PLPP1: variants seen among roughly 807,000 people sequenced by gnomAD.
PLPP1 encodes phospholipid phosphatase 1.
PLPP1 carries 24 observed loss-of-function variants against 31.2 expected under a neutral mutation model. The observed-to-expected ratio is 0.77, with a 90% CI of 0.56 to 1.08. The LOEUF is 1.08. PLPP1 is among the 50% of genes least tolerant of loss of function. The pLI is 0.00. For missense variants in PLPP1, 319 were observed against 342.7 expected, an observed-to-expected ratio of 0.93 and a Z score of 0.55; for synonymous variants, 146 against 126.3, an observed-to-expected ratio of 1.16 and a Z score of -1.05.
At position 55,441,848 on chromosome 5, in the gene PLPP1, T is replaced by G. The variant is rs1364523275; in HGVS notation, c.549+3A>C. On this transcript the variant is annotated splice_donor_region_variant and intron_variant, in intron 4 of 5. Transcript: ENST00000307259. ...TAACCGTCAACAGACACAAAGTACT[T>G]ACTGCCACAAACAGCATGCAGTACA... 1 of 1,612,714 alleles carries G rather than the reference T, an allele frequency of 6.2e-7. No individual in the cohort carries two copies. The highest frequency in any genetic ancestry group is 8.5e-7 in the Non-Finnish European group (1 of 1,178,684).
intron 2 of PLPP1, among the ~76,000 whole-genome samples, chr5:55,470,078 G>A (rs1752385985): frequency 6.6e-6 from 1 of 152,152 alleles, no homozygotes; most frequent in East Asian, 1.9e-4. Flanking sequence ...CACAGGAGAG[G>A]TAAACTATAT....
At chr5:55,464,233 A>T (rs1752234238) in intron 3 of PLPP1, among the ~76,000 whole-genome samples, 1 of 100,912 alleles carries the variant, frequency 9.9e-6, no homozygotes, top group East Asian at 2.5e-4. Context: ...TGTTCAGAAC[A>T]TCTTTTTTTT....
intron 2 of PLPP1, among the ~76,000 whole-genome samples, chr5:55,471,202 ATTTT>A (rs113348948): frequency 1.4e-5 from 2 of 139,608 alleles, no homozygotes; most frequent in Non-Finnish European, 1.6e-5. Flanking sequence ...ATCAGATCAG[ATTTT>A]TTTTTTTTTT....
chr5:55,482,569 C>T (rs990901339), intron 1 of PLPP1, among the ~76,000 whole-genome samples: 5 of 152,090 alleles, frequency 3.3e-5, no homozygotes, highest in African/African-American at 1.2e-4. Flanking sequence ...GGCAGCACAG[C>T]GCCTATGTCC....
chr5:55,429,321 A>ATCACACTTTGAATAGATCAC (rs1751287299), intron 4 of PLPP1, among the ~76,000 whole-genome samples: 1 of 152,010 alleles, frequency 6.6e-6, no homozygotes, highest in East Asian at 1.9e-4. Context: ...TAGTAGATAA[A>ATCACACTTTGAATAGATCAC]TCACACTTTG....
chr5:55,510,162 C>G (rs891705205), intron 1 of PLPP1, among the ~76,000 whole-genome samples: 2 of 152,132 alleles, frequency 1.3e-5, no homozygotes, highest in African/African-American at 4.8e-5. Flanking sequence ...GATATAAGCA[C>G]ATTTAGAAAG....
rs1751629435 is a variant in PLPP1, at chr5:55,441,916, A to G, written c.492-8T>C. 1.2e-6 allele frequency: 2 copies of G among 1,612,190 alleles called. No individual in the cohort carries two copies. Among genetic ancestry groups the G allele is most frequent in the African/African-American group, 2.7e-5 (2 of 74,904 alleles). On this transcript the variant is annotated splice_region_variant and splice_polypyrimidine_tract_variant and intron_variant, in intron 3 of 5. Transcript: ENST00000307259. The stretch of plus-strand genomic sequence containing the variant: ...CCTGAATAGAAGGACAACCTGGAAG[A>G]AAAAGAAGACAAATGTTACTTTTCT...
chr5:55,462,676 A>G (rs1422637721), intron 3 of PLPP1, among the ~76,000 whole-genome samples: 2 of 152,214 alleles, frequency 1.3e-5, no homozygotes, highest in Non-Finnish European at 2.9e-5. Flanking sequence ...ACCACCATTA[A>G]GAAAATAAAG....
At chr5:55,524,001 T>C (rs1328799201) in intron 1 of PLPP1, among the ~76,000 whole-genome samples, 2 of 152,242 alleles carry the variant, frequency 1.3e-5, no homozygotes, top group African/African-American at 4.8e-5. Context: ...TTTTTTGCAC[T>C]GGTATTTGCA....
At chr5:55,474,707 T>G (rs930810035) in intron 2 of PLPP1, among the ~76,000 whole-genome samples, 1 of 152,146 alleles carries the variant, frequency 6.6e-6, no homozygotes, top group Non-Finnish European at 1.5e-5. Context: ...TTTCTAGAAC[T>G]CAGTACAGAG....
At chr5:55,530,820 C>G in intron 1 of PLPP1, 1 of 1,318,464 alleles carries the variant, frequency 7.6e-7, no homozygotes, top group Non-Finnish European at 1.1e-6. Context: ...GCGTTTTGAG[C>G]ACCTCCTGAC....
intron 1 of PLPP1, among the ~76,000 whole-genome samples, chr5:55,503,253 T>C (rs1753184267): frequency 6.6e-6 from 1 of 152,202 alleles, no homozygotes; most frequent in Non-Finnish European, 1.5e-5. Context: ...ATACCAGGTA[T>C]TACAATATTT....
At chr5:55,477,083 C>G (rs1421937776) in intron 1 of PLPP1, among the ~76,000 whole-genome samples, 1 of 151,290 alleles carries the variant, frequency 6.6e-6, no homozygotes, top group Non-Finnish European at 1.5e-5. Context: ...CTAACTGACA[C>G]TTATACTGGC....
At chr5:55,460,402 G>A (rs1235889750) in intron 3 of PLPP1, among the ~76,000 whole-genome samples, 2 of 151,842 alleles carry the variant, frequency 1.3e-5, no homozygotes, top group East Asian at 1.9e-4. Context: ...TAACCAAAAG[G>A]TTAATAAAAT....
chr5:55,496,222 T>C (rs1220694975), intron 1 of PLPP1, among the ~76,000 whole-genome samples: 2 of 152,198 alleles, frequency 1.3e-5, no homozygotes, highest in Non-Finnish European at 2.9e-5. Flanking sequence ...GTTAGTGTTC[T>C]AGGAAGACTC....
At chr5:55,491,062 T>G (rs1298754722) in intron 1 of PLPP1, 1 of 1,613,878 alleles carries the variant, frequency 6.2e-7, no homozygotes, top group Non-Finnish European at 8.5e-7. Context: ...AGAAAAAGCC[T>G]CTCTGAAATG....
At chr5:55,509,365 G>C (rs1753354896) in intron 1 of PLPP1, among the ~76,000 whole-genome samples, 1 of 152,164 alleles carries the variant, frequency 6.6e-6, no homozygotes, top group African/African-American at 2.4e-5. Context: ...GTGTTAACAG[G>C]CAAGAATTCA....
chr5:55,446,275 T>C (rs75339772), intron 3 of PLPP1, among the ~76,000 whole-genome samples: 54 of 152,320 alleles, frequency 3.5e-4, no homozygotes, highest in African/African-American at 1.3e-3. Context: ...CTTCTCTATT[T>C]TTCATCTAGG....
rs1407717112 is a variant in PLPP1 at position 55,482,703 on chromosome 5, C to T, written c.59-7253G>A. Among the ~76,000 whole-genome samples, 3 of 152,180 alleles carry T rather than the reference C, an allele frequency of 2.0e-5. 1 individual carries two copies. Among genetic ancestry groups the T allele is most frequent in the African/African-American group, 7.2e-5 (3 of 41,438 alleles). On this transcript the variant is annotated intron_variant, in intron 1 of 5. Coordinates refer to ENST00000307259, the MANE Select transcript of PLPP1 (RefSeq NM_003711.4). ...GTGCCTTGCCATAAAACCTAACCAA[C>T]TCCAATCTCCTCTGCTATGCAGGGT...
Sources: gnomAD v4.1 joint callset for allele counts (sites outside exome capture counted in the v4.1 genomes callset) on GRCh38, gnomAD v4.1.1 for gene constraint, MANE v1.5 for transcripts, NCBI Gene and HGNC (gene_info 2026-07-23, HGNC 2026-07-21) for gene names.